The following STPG2 variants were observed in gnomAD, a reference collection of about 807,000 sequenced individuals.
STPG2 encodes the protein sperm-tail PG-rich repeat-containing protein 2.
A neutral mutation model predicts 54.2 loss-of-function variants in STPG2; 56 were observed. The observed-to-expected ratio is 1.03, with a 90% CI of 0.83 to 1.29. STPG2 has a LOEUF of 1.29. Ranked by LOEUF, STPG2 falls within the 50% of genes most tolerant of loss-of-function variation. The pLI is 0.00. For missense variants in STPG2, 596 were observed against 544.9 expected, an observed-to-expected ratio of 1.09 and a Z score of -0.93; for synonymous variants, 200 against 181.8, an observed-to-expected ratio of 1.10 and a Z score of -0.81.
intron 10 of STPG2, among the ~76,000 whole-genome samples, chr4:97,596,466 T>C (rs1191839331): frequency 1.3e-5 from 2 of 152,150 alleles, no homozygotes; most frequent in Non-Finnish European, 2.9e-5. Flanking sequence ...TATACTTTCC[T>C]CTCATTTGCA....
At chr4:97,738,415 G>C (rs915046110) in intron 9 of STPG2, among the ~76,000 whole-genome samples, 1 of 152,084 alleles carries the variant, frequency 6.6e-6, no homozygotes, top group Non-Finnish European at 1.5e-5. Context: ...ACACAGACTG[G>C]CAAATTGGAT....
chr4:97,764,479 T>G (rs1348371007), intron 9 of STPG2, among the ~76,000 whole-genome samples: 1 of 152,170 alleles, frequency 6.6e-6, no homozygotes, highest in South Asian at 2.1e-4. Flanking sequence ...AAAATTGTTT[T>G]CTGAAGGTTA....
At chr4:97,660,984 C>T (rs1014465875) in intron 10 of STPG2, among the ~76,000 whole-genome samples, 2 of 151,706 alleles carry the variant, frequency 1.3e-5, no homozygotes, top group Admixed American at 6.6e-5. Context: ...GGCTAAGTCA[C>T]GAATAATAAA....
At chr4:98,123,081 CTCTCTTT>C (rs1739727080) in intron 3 of STPG2, among the ~76,000 whole-genome samples, 1 of 146,802 alleles carries the variant, frequency 6.8e-6, no homozygotes, top group African/African-American at 2.7e-5. Context: ...TTTGATTCTT[CTCTCTTT>C]TCTTCTTTGT....
At chr4:97,928,807 A>C (rs1215051) in intron 8 of STPG2, among the ~76,000 whole-genome samples, 127,437 of 152,066 alleles carry the variant, frequency 0.84, 53,565 homozygotes, top group Middle Eastern at 0.94. Flanking sequence ...ATTAAGGTTT[A>C]TAAAGTTTAT....
At chr4:97,630,789 T>C (rs1342816157) in intron 10 of STPG2, among the ~76,000 whole-genome samples, 1 of 151,830 alleles carries the variant, frequency 6.6e-6, no homozygotes, top group Admixed American at 6.6e-5. Flanking sequence ...ATGTTTGTTT[T>C]TTTAATCTAA....
chr4:97,645,299 C>T (rs1276062730), intron 10 of STPG2, among the ~76,000 whole-genome samples: 1 of 146,718 alleles, frequency 6.8e-6, no homozygotes, highest in Non-Finnish European at 1.5e-5. Context: ...CAGAAAGTAT[C>T]TTGCTGAAAA....
chr4:97,975,392 A>G (rs1734465473), intron 6 of STPG2, among the ~76,000 whole-genome samples: 1 of 152,176 alleles, frequency 6.6e-6, no homozygotes, highest in Non-Finnish European at 1.5e-5. Flanking sequence ...AATATATCCT[A>G]TCATTTGACC....
At chr4:98,023,502 T>A (rs2149293594) in intron 5 of STPG2, among the ~76,000 whole-genome samples, 1 of 152,318 alleles carries the variant, frequency 6.6e-6, no homozygotes, top group Admixed American at 6.5e-5. Context: ...GAGGAGACAG[T>A]CTGCCCGTTC....
At chr4:97,657,801 T>C (rs1176272259) in intron 10 of STPG2, among the ~76,000 whole-genome samples, 5 of 152,216 alleles carry the variant, frequency 3.3e-5, no homozygotes, top group Admixed American at 6.5e-5. Context: ...ACTAGATCAC[T>C]TGTAAATAGA....
intron 7 of STPG2, among the ~76,000 whole-genome samples, chr4:97,945,773 T>C (rs1375316599): frequency 6.6e-6 from 1 of 152,140 alleles, no homozygotes; most frequent in Admixed American, 6.6e-5. Context: ...CACTGGCCAT[T>C]CTTGGATGGG....
In STPG2 at chr4:97,500,939, T is replaced by C. The variant is rs116470553; in HGVS notation, c.462+211760A>G. On this transcript the variant is annotated intron_variant, in intron 4 of 4. Transcript: ENST00000522676. ...TGCAGTAAATGGAGACAGGGGTATG[T>C]AGCAATGACTGGAGAGAAAGGTGAT... 5.3e-3 allele frequency among the ~76,000 whole-genome samples: 805 copies of C among 152,194 alleles called. 5 individuals carry two copies. Among genetic ancestry groups the C allele is most frequent in the African/African-American group, 0.018 (764 of 41,570 alleles).
chr4:97,635,622 C>A (rs1721488174), intron 10 of STPG2, among the ~76,000 whole-genome samples: 2 of 151,916 alleles, frequency 1.3e-5, no homozygotes, highest in Non-Finnish European at 2.9e-5. Context: ...CACATATAGG[C>A]TCAAAATAAA....
At chr4:97,889,911 A>T (rs575173278) in intron 8 of STPG2, among the ~76,000 whole-genome samples, 1 of 152,288 alleles carries the variant, frequency 6.6e-6, no homozygotes, top group Admixed American at 6.5e-5. Context: ...TATTCTTAAA[A>T]GTAGTTCAAG....
chr4:97,703,601 TA>T (rs1430343046), intron 10 of STPG2, among the ~76,000 whole-genome samples: 4 of 78,822 alleles, frequency 5.1e-5, no homozygotes, highest in African/African-American at 2.3e-4. Flanking sequence ...ATACTATAAG[TA>T]GTGTATAGTA....
chr4:97,508,611 CTG>C (rs1019528322), intron 4 of STPG2, among the ~76,000 whole-genome samples: 165 of 152,100 alleles, frequency 1.1e-3, no homozygotes, highest in African/African-American at 3.8e-3. Context: ...TTCAGTATTA[CTG>C]TGTTATTCAA....
chr4:97,983,824 C>A (rs1181684731), intron 5 of STPG2, among the ~76,000 whole-genome samples: 3 of 152,154 alleles, frequency 2.0e-5, no homozygotes, highest in African/African-American at 7.2e-5. Context: ...GAGGGAGAAA[C>A]ACACACATAC....
intron 9 of STPG2, among the ~76,000 whole-genome samples, chr4:97,752,903 T>C (rs1215437803): frequency 6.6e-6 from 1 of 151,922 alleles, no homozygotes; most frequent in Non-Finnish European, 1.5e-5. Flanking sequence ...CTTTTCCATA[T>C]GAATAGTAGA....
chr4:97,563,644 G>A (rs1371586998), intron 10 of STPG2, among the ~76,000 whole-genome samples: 1 of 152,048 alleles, frequency 6.6e-6, no homozygotes, highest in East Asian at 1.9e-4. Flanking sequence ...TTGTGTCTTT[G>A]TTTTCATTAG....
Sources: gnomAD v4.1 joint callset for allele counts (sites outside exome capture counted in the v4.1 genomes callset) on GRCh38, gnomAD v4.1.1 for gene constraint, MANE v1.5 for transcripts, NCBI Gene and HGNC (gene_info 2026-07-23, HGNC 2026-07-21) for gene names.